The following PRIM2 variants were observed in gnomAD, a reference collection of about 807,000 sequenced individuals.
The protein encoded by PRIM2 is DNA primase subunit 2.
In PRIM2, 39 loss-of-function variants were observed where a neutral mutation model predicts 67.3. The observed-to-expected ratio is 0.58, with a 90% CI of 0.45 to 0.76. PRIM2 has a LOEUF of 0.76. PRIM2 is among the 30% of genes least tolerant of loss of function. PRIM2 has a pLI of 0.00. For missense variants in PRIM2, 398 were observed against 598.7 expected, an observed-to-expected ratio of 0.66 and a Z score of 3.50; for synonymous variants, 143 against 198.7, an observed-to-expected ratio of 0.72 and a Z score of 2.36.
At chr6:57,299,072 GTC>G in the PRIM2 span, among the ~76,000 whole-genome samples, 744 of 150,916 alleles carry the variant, frequency 4.9e-3, 5 homozygotes, top group Non-Finnish European at 7.0e-3. Context: ...CTTTCTCTCT[GTC>G]TCTCTCTCTC....
intron 10 of PRIM2, among the ~76,000 whole-genome samples, chr6:57,579,449 C>A (rs1402107715): frequency 7.2e-4 from 110 of 152,060 alleles, no homozygotes; most frequent in African/African-American, 2.6e-3. Context: ...TAATTTTGTT[C>A]TTTTGGTTGT....
chr6:57,386,244 C>T (rs975591773), intron 7 of PRIM2, among the ~76,000 whole-genome samples: 4 of 150,920 alleles, frequency 2.7e-5, no homozygotes, highest in Middle Eastern at 3.2e-3. Flanking sequence ...ACAACAACAA[C>T]AGCAACAACA....
At chr6:57,232,620 G>A in the PRIM2 span, among the ~76,000 whole-genome samples, 2 of 152,148 alleles carry the variant, frequency 1.3e-5, no homozygotes, top group Non-Finnish European at 2.9e-5. Flanking sequence ...TCTTTCAAGA[G>A]CCTTATATAC....
chr6:57,473,357 GC>G (rs1773383997), intron 7 of PRIM2, among the ~76,000 whole-genome samples: 2 of 152,182 alleles, frequency 1.3e-5, no homozygotes, highest in African/African-American at 2.4e-5. Context: ...ATAGCACCAT[GC>G]CAGACTTTGT....
intron 7 of PRIM2, among the ~76,000 whole-genome samples, chr6:57,431,814 A>C (rs543662084): frequency 1.1e-4 from 16 of 152,120 alleles, no homozygotes; most frequent in African/African-American, 3.9e-4. Context: ...TGTTTACCTT[A>C]TCTCTCTTCC....
At chr6:57,339,746 A>T (rs1175929046) in intron 5 of PRIM2, among the ~76,000 whole-genome samples, 2 of 152,230 alleles carry the variant, frequency 1.3e-5, no homozygotes, top group South Asian at 4.1e-4. Flanking sequence ...CTAAAACCAT[A>T]AAAACCCTAG....
At chr6:57,458,096 A>G (rs1772867039) in intron 7 of PRIM2, among the ~76,000 whole-genome samples, 1 of 152,212 alleles carries the variant, frequency 6.6e-6, no homozygotes, top group Non-Finnish European at 1.5e-5. Flanking sequence ...ATCGGTCAAA[A>G]TAAGCTAACT....
chr6:57,587,437 GGCT>G (rs1194182062), intron 10 of PRIM2, among the ~76,000 whole-genome samples: 8 of 152,058 alleles, frequency 5.3e-5, no homozygotes, highest in Non-Finnish European at 1.5e-5. Context: ...GGCCGAGGCA[GGCT>G]GATCACAAGG....
At chr6:57,369,209 A>C (rs886438130) in intron 5 of PRIM2, among the ~76,000 whole-genome samples, 2 of 152,200 alleles carry the variant, frequency 1.3e-5, no homozygotes, top group African/African-American at 4.8e-5. Context: ...TTGCCTCTCT[A>C]GAGCTGCTCC....
the PRIM2 span, among the ~76,000 whole-genome samples, chr6:57,253,274 T>C: frequency 6.6e-6 from 1 of 152,142 alleles, no homozygotes; most frequent in South Asian, 2.1e-4. Flanking sequence ...CTCTAAATGG[T>C]AGCTCCATTT....
At chr6:57,241,586 G>A in the PRIM2 span, among the ~76,000 whole-genome samples, 3 of 150,572 alleles carry the variant, frequency 2.0e-5, no homozygotes, top group Non-Finnish European at 4.4e-5. Context: ...AAAAGAAACC[G>A]AAAAAAGTGT....
At chr6:57,511,603 A>G (rs1774370164) in intron 8 of PRIM2, among the ~76,000 whole-genome samples, 1 of 152,208 alleles carries the variant, frequency 6.6e-6, no homozygotes, top group South Asian at 2.1e-4. Flanking sequence ...ACAGTGGCTC[A>G]CAGTGGGAGC....
intron 7 of PRIM2, among the ~76,000 whole-genome samples, chr6:57,387,075 A>C (rs1262505045): frequency 2.0e-5 from 3 of 152,212 alleles, no homozygotes; most frequent in Admixed American, 2.0e-4. Flanking sequence ...TGTGGCCCAG[A>C]ACCTTCCCTT....
chr6:57,573,558 A>T (rs1433263399), intron 10 of PRIM2, among the ~76,000 whole-genome samples: 105 of 152,270 alleles, frequency 6.9e-4, no homozygotes, highest in African/African-American at 2.5e-3. Flanking sequence ...CAAAAAGAGA[A>T]CTATGGAAAT....
the PRIM2 span, among the ~76,000 whole-genome samples, chr6:57,250,880 A>G: frequency 6.6e-6 from 1 of 152,230 alleles, no homozygotes; most frequent in African/African-American, 2.4e-5. Context: ...GAGCACTGAT[A>G]TGACATCCAA....
At chr6:57,305,002 C>A in the PRIM2 span, among the ~76,000 whole-genome samples, 1 of 152,186 alleles carries the variant, frequency 6.6e-6, no homozygotes, top group East Asian at 1.9e-4. Context: ...CTCAAGATAG[C>A]TCTCAACATT....
At chr6:57,392,430 A>G (rs1352792131) in intron 7 of PRIM2, among the ~76,000 whole-genome samples, 7 of 152,174 alleles carry the variant, frequency 4.6e-5, no homozygotes, top group Admixed American at 4.6e-4. Context: ...TAGCATTTAC[A>G]TTATATTTAT....
At chr6:57,619,575 A>G (rs1210934209) in intron 12 of PRIM2, among the ~76,000 whole-genome samples, 2 of 152,166 alleles carry the variant, frequency 1.3e-5, no homozygotes, top group Non-Finnish European at 2.9e-5. Context: ...AGAAAAAACA[A>G]TACAAAATTC....
chr6:57,460,972 T>C (rs1400762875), intron 7 of PRIM2, among the ~76,000 whole-genome samples: 6 of 152,216 alleles, frequency 3.9e-5, no homozygotes, highest in Non-Finnish European at 7.3e-5. Context: ...ACAGGAGGAT[T>C]AGAATCAAGG....
Sources: gnomAD v4.1 joint callset for allele counts (sites outside exome capture counted in the v4.1 genomes callset) on GRCh38, gnomAD v4.1.1 for gene constraint, MANE v1.5 for transcripts, NCBI Gene and HGNC (gene_info 2026-07-23, HGNC 2026-07-21) for gene names.